Variants in LEMD1 observed in about 807,000 individuals in gnomAD.
LEMD1 encodes the protein LEM domain-containing protein 1.
LEMD1 carries 18 observed loss-of-function variants against 17.4 expected under a neutral mutation model. The observed-to-expected ratio is 1.04, with a 90% CI of 0.72 to 1.54. The LOEUF (loss-of-function observed/expected upper bound fraction) is 1.54, where lower values mean the gene tolerates loss of function less well. Ranked by LOEUF, LEMD1 falls within the 40% of genes most tolerant of loss-of-function variation. The pLI, the probability that LEMD1 is intolerant of heterozygous loss-of-function variation, is 0.00. For synonymous variants in LEMD1, 88 were observed against 77.8 expected (o/e 1.13, Z -0.69); for missense variants, 195 against 210.4 (o/e 0.93, Z 0.45).
intron 3 of LEMD1, 47 bp downstream of exon 3, chr1:205,419,183 T>C: frequency 6.2e-7 from 1 of 1,603,356 alleles, no homozygotes; most frequent in Non-Finnish European, 8.5e-7. Context: ...GGACAAGGTA[T>C]TAATAAGTGC....
At chr1:205,442,684 A>G (rs1268198200) in intron 1 of LEMD1, among the ~76,000 whole-genome samples, 1 of 152,170 alleles carries the variant, frequency 6.6e-6, no homozygotes, top group Non-Finnish European at 1.5e-5. Flanking sequence ...TGGTTATTTA[A>G]TAACCCGATT....
upstream of LEMD1, among the ~76,000 whole-genome samples, chr1:205,422,705 G>C (rs1239810415): frequency 6.6e-6 from 1 of 152,200 alleles, no homozygotes; most frequent in Non-Finnish European, 1.5e-5. Flanking sequence ...AAGAAAGACT[G>C]CTTAGATTTT....
intron 4 of LEMD1, among the ~76,000 whole-genome samples, chr1:205,410,503 A>C (rs1166985470): frequency 6.6e-6 from 1 of 152,162 alleles, no homozygotes; most frequent in African/African-American, 2.4e-5. Context: ...TATGGTACAG[A>C]ATAGGAAGTC....
At chr1:205,439,001 C>A (rs116178513) in intron 1 of LEMD1, among the ~76,000 whole-genome samples, 9 of 152,208 alleles carry the variant, frequency 5.9e-5, no homozygotes, top group Non-Finnish European at 1.3e-4. Flanking sequence ...ACATAACACC[C>A]AATATCTCTG....
At chr1:205,447,246 A>T (rs561405987) in intron 1 of LEMD1, among the ~76,000 whole-genome samples, 2 of 152,234 alleles carry the variant, frequency 1.3e-5, no homozygotes, top group Admixed American at 6.5e-5. Context: ...CAGAATTCCC[A>T]TAAGTTAAAT....
chr1:205,410,145 C>T (rs1665320546), intron 4 of LEMD1, among the ~76,000 whole-genome samples: 1 of 152,060 alleles, frequency 6.6e-6, no homozygotes, highest in African/African-American at 2.4e-5. Context: ...TGGTCTTGCA[C>T]TCCTGGGCTC....
chr1:205,392,120 A>G (rs1172608100), intron 4 of LEMD1, among the ~76,000 whole-genome samples: 1 of 151,988 alleles, frequency 6.6e-6, no homozygotes, highest in Non-Finnish European at 1.5e-5. Context: ...CAAGAAAAAC[A>G]AAAAACAAAA....
At chr1:205,391,675 C>T (rs1004981397) in intron 4 of LEMD1, among the ~76,000 whole-genome samples, 2 of 152,198 alleles carry the variant, frequency 1.3e-5, no homozygotes, top group Non-Finnish European at 2.9e-5. Context: ...AGTAAGGAGG[C>T]ATCCCCCGCC....
chr1:205,383,650 T>C (rs1437460176), intron 5 of LEMD1, among the ~76,000 whole-genome samples: 6 of 151,304 alleles, frequency 4.0e-5, no homozygotes, highest in Non-Finnish European at 7.4e-5. Flanking sequence ...TTTTTTTTTT[T>C]TGAGGCAGAG....
chr1:205,415,826 G>T (rs533022499), intron 4 of LEMD1, among the ~76,000 whole-genome samples: 1 of 152,172 alleles, frequency 6.6e-6, no homozygotes, highest in East Asian at 1.9e-4. Context: ...GCTTCAATAC[G>T]GTGCTGGGGG....
chr1:205,432,800 G>A (rs1450139298), intron 1 of LEMD1, among the ~76,000 whole-genome samples: 1 of 152,098 alleles, frequency 6.6e-6, no homozygotes, highest in Non-Finnish European at 1.5e-5. Context: ...CTTCAGCTCA[G>A]GAGTTCAAGA....
chr1:205,437,786 G>A (rs1666232651), intron 1 of LEMD1: 1 of 152,168 alleles, frequency 6.6e-6, no homozygotes, highest in Non-Finnish European at 1.5e-5. Context: ...TCAGAAATAA[G>A]ACATGACTAG....
intron 1 of LEMD1, among the ~76,000 whole-genome samples, chr1:205,427,941 G>A (rs945021328): frequency 1.3e-5 from 2 of 152,174 alleles, no homozygotes; most frequent in African/African-American, 4.8e-5. Flanking sequence ...CATTATAACG[G>A]TTCCTGGTAC....
intron 1 of LEMD1, among the ~76,000 whole-genome samples, chr1:205,449,349 C>A (rs1666456030): frequency 6.9e-6 from 1 of 145,490 alleles, no homozygotes; most frequent in Admixed American, 6.7e-5. Context: ...TCCTGCTAGC[C>A]CAGGCTCAGG....
Position 205,420,528 on chromosome 1 carries a change from A to G in LEMD1, c.9T>C (p.Asp3=), listed in dbSNP as rs762778256. The change falls in exon 2 of 6, where the codon GAT becomes GAC. Residue 3 remains aspartate, a synonymous_variant. Transcript: ENST00000367153. ...ATTTACAGTCACTCAGACACTTCAC[A>G]TCCACCATGATGATAGAAGTTTGGC... MV[D]VKCLSDCKLQ... 43 of 1,613,614 alleles carry G rather than the reference A, an allele frequency of 2.7e-5. No individual in the cohort carries two copies. Among genetic ancestry groups the G allele is most frequent in the Non-Finnish European group, 3.6e-5 (43 of 1,179,670 alleles).
chr1:205,442,308 C>T (rs1173797551), intron 1 of LEMD1, among the ~76,000 whole-genome samples: 1 of 152,152 alleles, frequency 6.6e-6, no homozygotes, highest in Non-Finnish European at 1.5e-5. Context: ...CTCCCTTCTC[C>T]AGCCCCTCAA....
At chr1:205,416,882 T>C (rs1665720095) in intron 3 of LEMD1, among the ~76,000 whole-genome samples, 1 of 152,150 alleles carries the variant, frequency 6.6e-6, no homozygotes, top group Non-Finnish European at 1.5e-5. Flanking sequence ...AAGCTGTGTC[T>C]CCCCACTGAC....
At chr1:205,425,920 C>A (rs938068956), upstream of LEMD1, among the ~76,000 whole-genome samples, 2 of 34,498 alleles carry the variant, frequency 5.8e-5, no homozygotes, top group Non-Finnish European at 1.5e-4. Context: ...TTTTTCCTAG[C>A]AATTTTTGAA....
intron 4 of LEMD1, among the ~76,000 whole-genome samples, chr1:205,388,395 T>G (rs1359953927): frequency 6.6e-6 from 1 of 152,182 alleles, no homozygotes; most frequent in Non-Finnish European, 1.5e-5. Flanking sequence ...AGACGGGGTT[T>G]CACCAGGATG....
Sources: gnomAD v4.1 joint callset for allele counts (sites outside exome capture counted in the v4.1 genomes callset) on GRCh38, gnomAD v4.1.1 for gene constraint, MANE v1.5 for transcripts, NCBI Gene and HGNC (gene_info 2026-07-23, HGNC 2026-07-21) for gene names.